Variants in RP1L1 observed in about 807,000 individuals in gnomAD.
RP1L1 encodes the protein retinitis pigmentosa 1-like 1 protein.
In RP1L1, 27 loss-of-function variants were observed where a neutral mutation model predicts 15.7. The observed-to-expected ratio is 1.72, with a 90% CI of 1.27 to 2.38. RP1L1 has a LOEUF of 2.38. Ranked by LOEUF, RP1L1 falls within the 30% of genes most tolerant of loss-of-function variation. The pLI is 0.00. For missense variants in RP1L1, 4,798 were observed against 3,075.9 expected (o/e 1.56, Z -13.24); for synonymous variants, 1,813 against 1,276.7 (o/e 1.42, Z -8.96).
intron 1 of RP1L1, among the ~76,000 whole-genome samples, chr8:10,639,652 G>C (rs1363942661): frequency 1.3e-5 from 2 of 152,174 alleles, no homozygotes; most frequent in Non-Finnish European, 2.9e-5. Context: ...GGGATTACAA[G>C]TGTGAGCCAC....
Position 10,611,245 on chromosome 8 carries a change from C to T in RP1L1, c.2853G>A (p.Ser951=), listed in dbSNP as rs776300598. ...SGVSPSSLPR[S]SPEAVVREWL... is the part of the protein sequence containing the mutation. ...ATTCGCGGACCACAGCCTCTGGAGA[C>T]GAGCGGGGCAGAGAGCTGGGTGACA... The change falls in exon 4 of 4, where the codon TCG becomes TCA. Residue 951 remains serine, a synonymous_variant. Transcript: ENST00000382483. 14 of 1,612,920 alleles carry T rather than the reference C, an allele frequency of 8.7e-6. No individual in the cohort carries two copies. In the South Asian group the frequency reaches 8.8e-5, roughly 10 times the overall value.
intron 1 of RP1L1, among the ~76,000 whole-genome samples, chr8:10,631,300 C>G (rs111719085): frequency 7.6e-6 from 1 of 132,006 alleles, no homozygotes; most frequent in South Asian, 2.7e-4. Flanking sequence ...CACACAAACA[C>G]GCATGCACAC....
intron 1 of RP1L1, among the ~76,000 whole-genome samples, chr8:10,653,741 G>A (rs1403880088): frequency 1.3e-5 from 2 of 152,188 alleles, no homozygotes; most frequent in Non-Finnish European, 2.9e-5. Flanking sequence ...GAGAGCAGCA[G>A]GCCTGTCTGA....
intron 1 of RP1L1, among the ~76,000 whole-genome samples, chr8:10,648,990 G>C (rs1798520050): frequency 6.6e-6 from 1 of 152,226 alleles, no homozygotes; most frequent in Non-Finnish European, 1.5e-5. Context: ...AGGGCAGTGA[G>C]GGTGTAGGCC....
chr8:10,644,562 C>A (rs942863833), intron 1 of RP1L1, among the ~76,000 whole-genome samples: 5 of 152,206 alleles, frequency 3.3e-5, no homozygotes, highest in African/African-American at 1.2e-4. Context: ...GGAACCAGTC[C>A]TTCCCCTCTC....
At position 10,616,325 on chromosome 8, in the gene RP1L1, G is replaced by A. The variant is rs758429852; in HGVS notation, c.751+121C>T. 1.7e-5 allele frequency: 22 copies of A among 1,289,592 alleles called. No homozygotes were observed. The African/African-American group carries it at 2.5e-4, about 15-fold the overall frequency. The allele number at this position is 1,289,592 out of a possible 1,614,324, so 79.9% of individuals were successfully genotyped here. ...GGCAAGAGAGATCCCAAAATGACTG[G>A]GATACCCAAGATCTGGGGCCAAAGG... On this transcript the variant is annotated intron_variant, in intron 3 of 3. Transcript: ENST00000382483.
intron 1 of RP1L1, among the ~76,000 whole-genome samples, chr8:10,635,541 C>T (rs903009100): frequency 1.3e-5 from 2 of 152,164 alleles, no homozygotes; most frequent in Admixed American, 6.5e-5. Context: ...GGCATGGTCA[C>T]GAAAGAAGAC....
intron 1 of RP1L1, among the ~76,000 whole-genome samples, chr8:10,650,913 T>C (rs1798550336): frequency 1.3e-5 from 2 of 152,230 alleles, no homozygotes; most frequent in African/African-American, 2.4e-5. Flanking sequence ...ATGTAGAACA[T>C]CTTACTTAAT....
chr8:10,623,021 A>C lies in RP1L1; in HGVS notation c.181T>G (p.Phe61Val), dbSNP rs375818359. The C allele has an allele frequency of 1.9e-5, 31 of 1,614,022 alleles. No homozygotes were observed. The African/African-American group carries it at 3.9e-4, about 20-fold the overall frequency. Residue 61 changes from phenylalanine (F) to valine (V), a missense_variant, in exon 2 of 4, where the codon TTC becomes GTC. By Grantham distance (50) the Phe-to-Val change is conservative (BLOSUM62 -1). Transcript: ENST00000382483. ...GAGAGCTCGTCCATGAGGGCGCTGA[A>C]GGTCTTAAAGGCGCGCTGGTGAACG... ...LAVHQRAFKT[F>V]SALMDELSQR...
chr8:10,654,724 AG>A (rs1798612470), intron 1 of RP1L1, among the ~76,000 whole-genome samples, 173 bp downstream of exon 1: 1 of 152,154 alleles, frequency 6.6e-6, no homozygotes, highest in South Asian at 2.1e-4. Flanking sequence ...ACAGCCCAGC[AG>A]GCCTTGCAGA....
rs374360526 is a variant in RP1L1, at chr8:10,613,239, G to T, written c.859C>A (p.Pro287Thr). ...RPGPSNPPVG[P>T]APGRHPQDTP... ...TCCTGAGGGTGCCTGCCAGGAGCAG[G>T]GCCCACCGGGGGGTTGCTAGGACCA... Residue 287 changes from proline (P) to threonine (T), a missense_variant, in exon 4 of 4, where the codon CCT (proline) becomes ACT (threonine). By Grantham distance (38) the Pro-to-Thr change is conservative. Coordinates refer to ENST00000382483, the MANE Select transcript of RP1L1 (RefSeq NM_178857.6). The T allele has an allele frequency of 4.3e-6, 7 of 1,612,484 alleles. No homozygotes were observed. The African/African-American group carries it at 9.3e-5, about 22-fold the overall frequency.
In RP1L1 at chr8:10,623,009, T is replaced by C. The variant is rs752235444; in HGVS notation, c.193A>G (p.Met65Val). The C allele has an allele frequency of 5.0e-6, 8 of 1,614,030 alleles. No individual in the cohort carries two copies. The highest frequency in any genetic ancestry group is 1.1e-5 in the South Asian group (1 of 91,066). ...QRAFKTFSALMDELSQRVPLS... is the reference protein window; with the variant it reads ...QRAFKTFSALVDELSQRVPLS... ...GGCACGCGCTGGGAGAGCTCGTCCA[T>C]GAGGGCGCTGAAGGTCTTAAAGGCG... The change falls in exon 2 of 4, where the codon ATG becomes GTG. Residue 65 changes from methionine to valine, a missense_variant. Physicochemically the swap from Met to Val is conservative, Grantham distance 21. Transcript: ENST00000382483.
intron 1 of RP1L1, among the ~76,000 whole-genome samples, chr8:10,626,578 T>C (rs1262319255): frequency 1.3e-5 from 2 of 152,158 alleles, no homozygotes; most frequent in African/African-American, 4.8e-5. Flanking sequence ...TGGCTCGCAC[T>C]TGCCACAGGT....
In RP1L1 at chr8:10,612,960, C is replaced by T. The variant is rs184332984; in HGVS notation, c.1138G>A (p.Gly380Arg). 4,668 of 1,613,162 alleles carry T rather than the reference C, an allele frequency of 2.9e-3. 14 individuals are homozygous for T. The highest frequency in any genetic ancestry group is 4.3e-3 in the Middle Eastern group (26 of 6,062). The change falls in exon 4 of 4, where the codon GGG (glycine) becomes AGG (arginine). Residue 380 changes from glycine (G) to arginine (R), a missense_variant. Gly to Arg is a moderately radical substitution (Grantham distance 125, BLOSUM62 -2). Transcript: ENST00000382483. ...EGYPWGFSEP[G>R]VWGPRPCRVG... ...CTGCAGGGCCGGGGTCCCCACACCC[C>T]AGGCTCTGAGAAGCCCCAAGGGTAG...
chr8:10,645,880 C>T (rs955243410), intron 1 of RP1L1, among the ~76,000 whole-genome samples: 11 of 152,176 alleles, frequency 7.2e-5, no homozygotes, highest in African/African-American at 1.2e-4. Flanking sequence ...ATGGCCCTGG[C>T]GGCTGGGAGC....
At chr8:10,626,227 G>C (rs1798155235) in intron 1 of RP1L1, among the ~76,000 whole-genome samples, 1 of 143,308 alleles carries the variant, frequency 7.0e-6, no homozygotes, top group South Asian at 2.4e-4. Context: ...TTCAGGAACA[G>C]AGTGAATAGC....
intron 2 of RP1L1, among the ~76,000 whole-genome samples, chr8:10,616,841 C>T (rs187391461): frequency 2.0e-5 from 3 of 152,300 alleles, no homozygotes; most frequent in Admixed American, 2.0e-4. Flanking sequence ...GGCCCGTGAT[C>T]AAAGGGCATT....
chr8:10,622,786 G>A lies in RP1L1; in HGVS notation c.416C>T (p.Pro139Leu), dbSNP rs765761652. The change falls in exon 2 of 4, where the codon CCA becomes CTA. Residue 139 changes from proline (P) to leucine (L), a missense_variant. By Grantham distance (98) the Pro-to-Leu change is moderately conservative (BLOSUM62 -3). Coordinates refer to ENST00000382483, the MANE Select transcript of RP1L1 (RefSeq NM_178857.6). ...ACTCTTCCGGGAGGAGGAGGTGCCT[G>A]GGGCTTCACGCTGGCCTTCGACATC... ...LRDVEGQREA[P>L]GTSSSRKSLK... is the part of the protein sequence containing the mutation. 9 of 1,612,732 alleles carry A rather than the reference G, an allele frequency of 5.6e-6. No homozygotes were observed. The highest frequency in any genetic ancestry group is 1.3e-5 in the African/African-American group (1 of 74,898).
At chr8:10,654,089 G>C (rs546968791) in intron 1 of RP1L1, among the ~76,000 whole-genome samples, 1 of 152,288 alleles carries the variant, frequency 6.6e-6, no homozygotes, top group African/African-American at 2.4e-5. Flanking sequence ...GCTGGACCTC[G>C]TCTGAGGTCT....
Sources: gnomAD v4.1 joint callset for allele counts (sites outside exome capture counted in the v4.1 genomes callset) on GRCh38, gnomAD v4.1.1 for gene constraint, MANE v1.5 for transcripts, NCBI Gene and HGNC (gene_info 2026-07-23, HGNC 2026-07-21) for gene names.